EPC2: variants seen among roughly 807,000 people sequenced by gnomAD.
EPC2 encodes the protein enhancer of polycomb homolog 2.
A neutral mutation model predicts 92.1 loss-of-function variants in EPC2; 14 were observed. That is an observed-to-expected ratio of 0.15 (90% CI 0.10 to 0.24). The LOEUF (loss-of-function observed/expected upper bound fraction) is 0.24. Among genes scored for constraint, EPC2 ranks in the 10% least tolerant of loss-of-function variants. The pLI is 1.00. For synonymous variants in EPC2, 340 were observed against 334.7 expected, an observed-to-expected ratio of 1.02 and a Z score of -0.17; for missense variants, 755 against 971.5, an observed-to-expected ratio of 0.78 and a Z score of 2.96.
chr2:148,785,559 C>T (rs903878207), intron 13 of EPC2, among the ~76,000 whole-genome samples: 2 of 152,172 alleles, frequency 1.3e-5, no homozygotes, highest in African/African-American at 4.8e-5. Flanking sequence ...ATCTCCTGAC[C>T]TGGTGATCCA....
At chr2:148,651,842 T>A (rs13036057) in intron 1 of EPC2, among the ~76,000 whole-genome samples, 20,666 of 152,186 alleles carry the variant, frequency 0.14, 2,357 homozygotes, top group East Asian at 0.46. Flanking sequence ...TGTTACTACT[T>A]CTTTTTCAGA....
At position 148,771,398 on chromosome 2, in the gene EPC2, G is replaced by A. The variant is rs752804320; in HGVS notation, c.1720+11G>A. ...AGAATGGCATATCAGGTAAGCTGTT[G>A]CTGTGTTAAAAGTATATCCTGCTAT... On this transcript the variant is annotated intron_variant, in intron 10 of 13. Transcript: ENST00000258484. 3 of 1,567,716 alleles carry A rather than the reference G, an allele frequency of 1.9e-6. No individual in the cohort carries two copies. Among genetic ancestry groups the A allele is most frequent in the Non-Finnish European group, 1.7e-6 (2 of 1,159,710 alleles).
intron 1 of EPC2, among the ~76,000 whole-genome samples, chr2:148,649,224 A>G (rs1680606979): frequency 6.6e-6 from 1 of 152,220 alleles, no homozygotes. Flanking sequence ...TTTACATACA[A>G]AAAAAGTACC....
chr2:148,735,456 T>G (rs1682731622), intron 2 of EPC2, among the ~76,000 whole-genome samples: 1 of 152,066 alleles, frequency 6.6e-6, no homozygotes, highest in South Asian at 2.1e-4. Context: ...CATTTTTCTC[T>G]GGGTCATTTT....
intron 2 of EPC2, among the ~76,000 whole-genome samples, chr2:148,722,951 T>C (rs1467588971): frequency 5.3e-5 from 8 of 152,118 alleles, no homozygotes; most frequent in East Asian, 3.9e-4. Flanking sequence ...TTCTCACTTA[T>C]AAGTGGGACC....
intron 2 of EPC2, among the ~76,000 whole-genome samples, chr2:148,715,541 T>A (rs1682242461): frequency 6.6e-6 from 1 of 152,186 alleles, no homozygotes; most frequent in African/African-American, 2.4e-5. Flanking sequence ...TGTATGTATG[T>A]GATCTTATTT....
intron 12 of EPC2, 38 bp downstream of exon 12, chr2:148,783,794 A>G: frequency 1.3e-6 from 2 of 1,553,654 alleles, no homozygotes; most frequent in Non-Finnish European, 1.7e-6. Context: ...ACTTTCTTGA[A>G]GTTGTAACTC....
At chr2:148,759,594 C>T (rs1485997360) in intron 4 of EPC2, among the ~76,000 whole-genome samples, 2 of 151,762 alleles carry the variant, frequency 1.3e-5, no homozygotes, top group African/African-American at 4.8e-5. Flanking sequence ...ATGTGAATAT[C>T]ATTTTTTTTT....
intron 10 of EPC2, among the ~76,000 whole-genome samples, chr2:148,775,964 G>A (rs889531990): frequency 2.0e-5 from 3 of 151,470 alleles, no homozygotes; most frequent in African/African-American, 7.3e-5. Context: ...TATTTTTTTA[G>A]TAGAGACAGG....
At chr2:148,777,844 GA>G (rs1193881208) in intron 10 of EPC2, among the ~76,000 whole-genome samples, 2 of 152,172 alleles carry the variant, frequency 1.3e-5, no homozygotes, top group African/African-American at 4.8e-5. Context: ...GTAATTACAA[GA>G]TAGATAATGA....
At chr2:148,739,072 C>A (rs1198979446) in intron 2 of EPC2, among the ~76,000 whole-genome samples, 2 of 152,180 alleles carry the variant, frequency 1.3e-5, no homozygotes, top group Non-Finnish European at 2.9e-5. Flanking sequence ...ATAGGTCCTT[C>A]TCCCAGGTTC....
intron 7 of EPC2, among the ~76,000 whole-genome samples, chr2:148,767,166 C>T (rs1683425562): frequency 6.7e-6 from 1 of 149,542 alleles, no homozygotes; most frequent in South Asian, 2.1e-4. Flanking sequence ...CCACTGTACT[C>T]CAGCCTGGGC....
At chr2:148,676,241 G>A (rs968418214) in intron 1 of EPC2, among the ~76,000 whole-genome samples, 1 of 151,628 alleles carries the variant, frequency 6.6e-6, no homozygotes. Flanking sequence ...ATGCTCAAGC[G>A]TAATTATAGT....
chr2:148,781,807 C>T (rs374387522), intron 11 of EPC2, 27 bp downstream of exon 11: 2 of 1,611,542 alleles, frequency 1.2e-6, no homozygotes, highest in South Asian at 1.1e-5. Context: ...GTCATAGTTA[C>T]GTTTGTTTCT....
intron 10 of EPC2, among the ~76,000 whole-genome samples, chr2:148,776,201 A>C (rs547635413): frequency 6.6e-6 from 1 of 152,264 alleles, no homozygotes; most frequent in Admixed American, 6.5e-5. Context: ...TGCAACTATG[A>C]TAGTTTTAGG....
chr2:148,737,734 C>T (rs1020925436), intron 2 of EPC2, among the ~76,000 whole-genome samples: 1 of 151,948 alleles, frequency 6.6e-6, no homozygotes, highest in African/African-American at 2.4e-5. Context: ...ATTTGGCTTC[C>T]CTGGGCCACA....
chr2:148,774,320 A>G (rs1009520302), intron 10 of EPC2, among the ~76,000 whole-genome samples: 1 of 152,068 alleles, frequency 6.6e-6, no homozygotes, highest in Non-Finnish European at 1.5e-5. Flanking sequence ...CCATGTCATA[A>G]CCCATGTGTC....
chr2:148,672,954 G>A (rs2105361630), intron 1 of EPC2, among the ~76,000 whole-genome samples: 1 of 152,130 alleles, frequency 6.6e-6, no homozygotes, highest in South Asian at 2.1e-4. Flanking sequence ...AGAACATTTT[G>A]TCAGATATAT....
intron 1 of EPC2, among the ~76,000 whole-genome samples, chr2:148,675,322 G>T (rs75845460): frequency 1.3e-5 from 2 of 151,408 alleles, no homozygotes; most frequent in African/African-American, 2.4e-5. Context: ...AAAATTTTTC[G>T]TATCCCTAAA....
Sources: allele counts gnomAD v4.1 joint callset (sites outside exome capture counted in the v4.1 genomes callset), GRCh38; gene constraint gnomAD v4.1.1; transcripts MANE v1.5; gene names NCBI Gene and HGNC (gene_info 2026-07-23, HGNC 2026-07-21).